Variants in PDS5B observed in about 807,000 individuals in gnomAD.
The protein encoded by PDS5B is PDS5 cohesin associated factor B.
In PDS5B, 51 loss-of-function variants were observed where a neutral mutation model predicts 184.1. The ratio of observed to expected loss-of-function variants is 0.28; its 90% CI spans 0.22 to 0.35. The LOEUF (loss-of-function observed/expected upper bound fraction) is 0.35. Ranked by LOEUF, PDS5B falls within the 10% of genes least tolerant of loss-of-function variation. The pLI is 1.00. For synonymous variants in PDS5B, 566 were observed against 569.2 expected, an observed-to-expected ratio of 0.99 and a Z score of 0.08; for missense variants, 1,180 against 1,723.3, an observed-to-expected ratio of 0.68 and a Z score of 5.58.
intron 1 of PDS5B, among the ~76,000 whole-genome samples, chr13:32,598,880 C>A (rs761316327): frequency 2.6e-5 from 4 of 151,324 alleles, no homozygotes; most frequent in African/African-American, 9.7e-5. Flanking sequence ...ACGCCATTCT[C>A]CTGCCTCAGC....
chr13:32,693,366 T>C (rs767749414), intron 13 of PDS5B, among the ~76,000 whole-genome samples: 1 of 151,922 alleles, frequency 6.6e-6, no homozygotes, highest in Non-Finnish European at 1.5e-5. Context: ...TTTGAACTGG[T>C]TTATCTCCTT....
chr13:32,594,456 T>C (rs888757669), intron 1 of PDS5B, among the ~76,000 whole-genome samples: 1 of 152,162 alleles, frequency 6.6e-6, no homozygotes, highest in Non-Finnish European at 1.5e-5. Flanking sequence ...GAGGCTGGTA[T>C]AAAAATACTT....
intron 19 of PDS5B, among the ~76,000 whole-genome samples, chr13:32,724,106 C>CA (rs1952812976): frequency 1.3e-5 from 2 of 152,088 alleles, no homozygotes; most frequent in African/African-American, 2.4e-5. Context: ...TTGGTTTTCT[C>CA]AAAAAATGTG....
chr13:32,723,694 T>C (rs1952798441), intron 19 of PDS5B, among the ~76,000 whole-genome samples: 1 of 152,234 alleles, frequency 6.6e-6, no homozygotes, highest in Non-Finnish European at 1.5e-5. Flanking sequence ...CTCTTGATTA[T>C]TGGGGAAAGA....
intron 1 of PDS5B, among the ~76,000 whole-genome samples, chr13:32,607,706 C>T (rs916263400): frequency 1.3e-5 from 2 of 151,918 alleles, no homozygotes; most frequent in Non-Finnish European, 2.9e-5. Flanking sequence ...GGGTGGGCTC[C>T]ACCCAGTTCG....
At chr13:32,623,012 G>T (rs1406156082) in intron 1 of PDS5B, among the ~76,000 whole-genome samples, 1 of 152,170 alleles carries the variant, frequency 6.6e-6, no homozygotes, top group Non-Finnish European at 1.5e-5. Flanking sequence ...GGTTTGGCAG[G>T]CAGGCAGGGG....
At position 32,701,447 on chromosome 13, in the gene PDS5B, A is replaced by G. The variant is rs775593410; in HGVS notation, c.1856+9A>G. On this transcript the variant is annotated intron_variant, in intron 17 of 34. Coordinates refer to ENST00000315596, the MANE Select transcript of PDS5B (RefSeq NM_015032.4). ...GATACCGAATCTATCAGGTATTTGT[A>G]TATAAAATACTAAGTTCTCATTGCT... 63 of 1,479,238 alleles carry G rather than the reference A, an allele frequency of 4.3e-5. No individual in the cohort carries two copies. The highest frequency in any genetic ancestry group is 1.7e-4 in the Middle Eastern group (1 of 5,762). The allele number at this position is 1,479,238 out of a possible 1,614,324, so 91.6% of individuals were successfully genotyped here. A position where few individuals can be genotyped will look rare whatever the true frequency, so the allele number is the denominator to read the frequency against.
intron 1 of PDS5B, among the ~76,000 whole-genome samples, chr13:32,603,639 A>C (rs2140489264): frequency 6.6e-6 from 1 of 152,310 alleles, no homozygotes; most frequent in South Asian, 2.1e-4. Context: ...GAAGAAAGTC[A>C]TTGGTAGCTT....
Position 32,671,308 on chromosome 13 carries a change from G to T in PDS5B, c.706-1908G>T, listed in dbSNP as rs138763338. ...TTTGTGAGAAATTAAACCAGGGAAT[G>T]ATTTTTTTCCCTTAATTTTTCAAAT... is the stretch of plus-strand genomic sequence containing the variant. On this transcript the variant is annotated intron_variant, in intron 7 of 34. Transcript: ENST00000315596. Among the ~76,000 whole-genome samples the T allele has an allele frequency of 1.4e-4, 21 of 152,232 alleles. No individual in the cohort carries two copies. The East Asian group carries it at 4.1e-3, about 29-fold the overall frequency.
At chr13:32,631,701 A>G (rs2058458536) in intron 1 of PDS5B, among the ~76,000 whole-genome samples, 1 of 152,198 alleles carries the variant, frequency 6.6e-6, no homozygotes, top group Non-Finnish European at 1.5e-5. Flanking sequence ...GTTCTTACCT[A>G]AGTTGTCAGT....
Position 32,609,381 on chromosome 13 carries a change from T to C in PDS5B, c.-20+22788T>C, listed in dbSNP as rs375365400. Among the ~76,000 whole-genome samples, 7 of 152,294 alleles carry C rather than the reference T, an allele frequency of 4.6e-5. No individual in the cohort carries two copies. The East Asian group carries it at 5.8e-4, about 13-fold the overall frequency. ...TTTTACATTAAGAGGAAAATACTTA[T>C]TAGAGTTCTTACTTCTGCATCAAGT... On this transcript the variant is annotated intron_variant, in intron 1 of 34. Coordinates refer to ENST00000315596, the MANE Select transcript of PDS5B (RefSeq NM_015032.4).
chr13:32,650,227 T>C (rs1300134144), intron 2 of PDS5B: 1 of 152,136 alleles, frequency 6.6e-6, no homozygotes, highest in Non-Finnish European at 1.5e-5. Flanking sequence ...TGGTTATTGT[T>C]GGTGGAATGA....
At chr13:32,618,131 G>T (rs1424074719) in intron 1 of PDS5B, among the ~76,000 whole-genome samples, 1 of 152,142 alleles carries the variant, frequency 6.6e-6, no homozygotes, top group Non-Finnish European at 1.5e-5. Flanking sequence ...TAAGGGAGGA[G>T]CCCTCGTGGC....
chr13:32,694,273 A>G lies in PDS5B; in HGVS notation c.1520A>G (p.Lys507Arg). 4 of 1,599,594 alleles carry G rather than the reference A, an allele frequency of 2.5e-6. No homozygotes were observed. The African/African-American group carries it at 4.1e-5, about 16-fold the overall frequency. The change falls in exon 14 of 35, where the codon AAG becomes AGG. Residue 507 changes from lysine (K) to arginine (R), a missense_variant. This residue lies in a region of PDS5B where 475 missense variants were observed against 691.5 expected (regional missense o/e 0.69). Transcript: ENST00000315596. ...KCQNLLRHQV[K>R]DLLDLIKQPK... is the part of the protein sequence containing the mutation. ...CAAAATCTGCTCCGACATCAAGTAA[A>G]GGATTTGCTTGACTTGATTAAGCAA...
chr13:32,593,469 T>C (rs1187534647), intron 1 of PDS5B, among the ~76,000 whole-genome samples: 4 of 152,022 alleles, frequency 2.6e-5, no homozygotes, highest in Non-Finnish European at 4.4e-5. Context: ...GCCTCTGGAG[T>C]AGCTGGGATT....
In PDS5B at chr13:32,667,775, G is replaced by A; in HGVS notation, c.636G>A (p.Lys212=). The A allele has an allele frequency of 2.5e-6, 4 of 1,589,264 alleles. No individual in the cohort carries two copies. The highest frequency in any genetic ancestry group is 1.2e-5 in the South Asian group (1 of 86,698). The part of the protein sequence containing the change: ...NLVPAHKNLN[K]QAYDLAKALL... ...TTTATGTTTTTCAGAATTTAAACAAGCAAGCATATGATTTGGCAAAGGCTT... is the reference window on the plus strand; with the variant it reads ...TTTATGTTTTTCAGAATTTAAACAAACAAGCATATGATTTGGCAAAGGCTT... Residue 212 remains lysine, a synonymous_variant, in exon 7 of 35, where the codon AAG becomes AAA. Transcript: ENST00000315596.
intron 1 of PDS5B, among the ~76,000 whole-genome samples, chr13:32,601,875 T>C (rs1239973521): frequency 6.6e-6 from 1 of 152,208 alleles, no homozygotes; most frequent in East Asian, 1.9e-4. Flanking sequence ...TTTAATAAGT[T>C]GGTTATTTTG....
intron 18 of PDS5B, among the ~76,000 whole-genome samples, chr13:32,707,991 C>T (rs1952079437): frequency 6.6e-6 from 1 of 151,972 alleles, no homozygotes; most frequent in Non-Finnish European, 1.5e-5. Context: ...TTTACCATTG[C>T]TATGGCAATA....
intron 26 of PDS5B, 64 bp from the exon 27 acceptor site, chr13:32,758,023 G>GT: frequency 1.9e-6 from 1 of 539,420 alleles, no homozygotes; most frequent in Non-Finnish European, 2.8e-6. Flanking sequence ...TAGAATTATT[G>GT]TATCTATATT....
Sources: gnomAD v4.1 joint callset for allele counts (sites outside exome capture counted in the v4.1 genomes callset) on GRCh38, gnomAD v4.1.1 for gene constraint, gnomAD v4.1.1 regional missense constraint, MANE v1.5 for transcripts, NCBI Gene and HGNC (gene_info 2026-07-23, HGNC 2026-07-21) for gene names.